PTPRD: variants seen among roughly 807,000 people sequenced by gnomAD.
The protein encoded by PTPRD is protein tyrosine phosphatase receptor type D.
In PTPRD, 34 loss-of-function variants were observed where a neutral mutation model predicts 214.5. That is an observed-to-expected ratio of 0.16 (90% CI 0.12 to 0.21). The LOEUF (loss-of-function observed/expected upper bound fraction) is 0.21, where lower values mean the gene tolerates loss of function less well. PTPRD is among the 10% of genes least tolerant of loss of function. PTPRD has a pLI of 1.00. For synonymous variants in PTPRD, 1,128 were observed against 845.7 expected (o/e 1.33, Z -5.79); for missense variants, 2,545 against 2,398.7 (o/e 1.06, Z -1.27).
At position 8,341,096 on chromosome 9, in the gene PTPRD, C is replaced by T; in HGVS notation, c.5120G>A (p.Gly1707Glu). The T allele has an allele frequency of 6.2e-7, 1 of 1,608,106 alleles. No homozygotes were observed. Among genetic ancestry groups the T allele is most frequent in the Non-Finnish European group, 8.5e-7 (1 of 1,177,264 alleles). The change falls in exon 41 of 46, where the codon GGA (glycine) becomes GAA (glutamate). Residue 1707 changes from glycine to glutamate, a missense_variant. By Grantham distance (98) the Gly-to-Glu change is moderately conservative. Coordinates refer to ENST00000381196, the MANE Select transcript of PTPRD (RefSeq NM_002839.4). ...GGGGAGCAAAAGTAGATACCTGTAT[C>T]CATCAATAAAACTGGCATTGATGTA... is the stretch of plus-strand genomic sequence containing the variant. The part of the protein sequence containing the change: ...SDYINASFID[G>E]YRQQKAYIAT...
chr9:8,846,703 A>G (rs1440560428), intron 11 of PTPRD, among the ~76,000 whole-genome samples: 2 of 152,204 alleles, frequency 1.3e-5, no homozygotes, highest in African/African-American at 2.4e-5. Flanking sequence ...CAAATACTTT[A>G]GTATGGCTCA....
rs79639372 is a variant in PTPRD at position 10,082,463 on chromosome 9, T to C, written c.-544-48673A>G. On this transcript the variant is annotated intron_variant, in intron 3 of 45. Coordinates refer to ENST00000381196, the MANE Select transcript of PTPRD (RefSeq NM_002839.4). ...GGATGTGGATGTACTGATTTATGTA[T>C]ATGGCTACAGGATTTGACAGCAAAC... is the stretch of plus-strand genomic sequence containing the variant. Among the ~76,000 whole-genome samples the C allele has an allele frequency of 4.0e-3, 606 of 152,146 alleles. 6 individuals are homozygous for C. Among genetic ancestry groups the C allele is most frequent in the African/African-American group, 0.013 (559 of 41,542 alleles).
chr9:9,180,942 A>T (rs1291856896), intron 10 of PTPRD, among the ~76,000 whole-genome samples: 4 of 152,142 alleles, frequency 2.6e-5, no homozygotes, highest in African/African-American at 9.6e-5. Context: ...GGCAAAAATC[A>T]TAAAAAAGAC....
chr9:9,477,245 C>G (rs1303162196), intron 8 of PTPRD, among the ~76,000 whole-genome samples: 1 of 152,180 alleles, frequency 6.6e-6, no homozygotes, highest in Non-Finnish European at 1.5e-5. Flanking sequence ...GTAGTCATCT[C>G]ACTACCTTCA....
At chr9:9,562,787 C>T (rs754403824) in intron 8 of PTPRD, among the ~76,000 whole-genome samples, 1 of 151,956 alleles carries the variant, frequency 6.6e-6, no homozygotes, top group Admixed American at 6.5e-5. Flanking sequence ...CTCCTTATCC[C>T]CAAATCTCCT....
At chr9:8,641,932 T>C (rs908882011) in intron 12 of PTPRD, among the ~76,000 whole-genome samples, 2 of 152,208 alleles carry the variant, frequency 1.3e-5, no homozygotes, top group African/African-American at 4.8e-5. Context: ...CTATTAAATG[T>C]AGGTGAGAGA....
At chr9:9,491,900 A>G (rs2095917527) in intron 8 of PTPRD, among the ~76,000 whole-genome samples, 1 of 152,018 alleles carries the variant, frequency 6.6e-6, no homozygotes, top group Non-Finnish European at 1.5e-5. Context: ...TAAAGAGCAG[A>G]GATCAATGAA....
intron 39 of PTPRD, among the ~76,000 whole-genome samples, chr9:8,373,620 T>G (rs1210198563): frequency 1.1e-4 from 1 of 8,944 alleles, no homozygotes; most frequent in Non-Finnish European, 1.1e-3. Context: ...CGGGTGTGTG[T>G]GTGTGTGTGT....
At chr9:8,376,149 A>T in intron 38 of PTPRD, 59 bp from the exon 39 acceptor site, 1 of 1,586,224 alleles carries the variant, frequency 6.3e-7, no homozygotes, top group Non-Finnish European at 8.6e-7. Flanking sequence ...GGTAATGATG[A>T]ATAACAGGGA....
intron 9 of PTPRD, among the ~76,000 whole-genome samples, chr9:9,217,105 C>T (rs1424035314): frequency 6.6e-6 from 1 of 151,992 alleles, no homozygotes; most frequent in Non-Finnish European, 1.5e-5. Context: ...GAACTAAGGG[C>T]CCCTTTAGCC....
intron 6 of PTPRD, among the ~76,000 whole-genome samples, chr9:9,746,460 T>C (rs904408685): frequency 2.0e-5 from 3 of 152,222 alleles, no homozygotes; most frequent in African/African-American, 7.2e-5. Context: ...ACCTCTTCAG[T>C]ACTTAGATAA....
chr9:8,541,858 A>G (rs1413991469), intron 14 of PTPRD, among the ~76,000 whole-genome samples: 1 of 152,202 alleles, frequency 6.6e-6, no homozygotes, highest in Non-Finnish European at 1.5e-5. Context: ...CAGGATAGAA[A>G]TTTATTCACT....
chr9:9,968,998 G>C (rs1192092028), intron 4 of PTPRD, among the ~76,000 whole-genome samples: 2 of 152,248 alleles, frequency 1.3e-5, no homozygotes, highest in East Asian at 1.9e-4. Context: ...CATAGATACT[G>C]CAGTTAGTTT....
At position 9,189,160 on chromosome 9, in the gene PTPRD, G is replaced by A. The variant is rs180984981; in HGVS notation, c.-202-5797C>T. Reference sequence around the variant, plus strand: ...CACTGAGCTGTTTTAGTAAGTGATTGCTTTATAAGGTAATTATTTTATGAT... The same window carrying A: ...CACTGAGCTGTTTTAGTAAGTGATTACTTTATAAGGTAATTATTTTATGAT... On this transcript the variant is annotated intron_variant, in intron 9 of 45. Coordinates refer to ENST00000381196, the MANE Select transcript of PTPRD (RefSeq NM_002839.4). Among the ~76,000 whole-genome samples, 278 of 152,104 alleles carry A rather than the reference G, an allele frequency of 1.8e-3. 2 individuals carry two copies. Among genetic ancestry groups the A allele is most frequent in the Non-Finnish European group, 2.6e-3 (178 of 67,964 alleles).
chr9:9,146,692 C>T (rs1014586221), intron 10 of PTPRD, among the ~76,000 whole-genome samples: 12 of 152,038 alleles, frequency 7.9e-5, no homozygotes, highest in African/African-American at 2.9e-4. Context: ...GAGAGGCCAG[C>T]CTTAGAGACT....
At chr9:9,169,984 A>G (rs1210530809) in intron 10 of PTPRD, among the ~76,000 whole-genome samples, 1 of 152,176 alleles carries the variant, frequency 6.6e-6, no homozygotes, top group Non-Finnish European at 1.5e-5. Flanking sequence ...GATATTTGTC[A>G]TTTTGCAAGC....
intron 6 of PTPRD, among the ~76,000 whole-genome samples, chr9:9,748,623 A>G (rs75359661): frequency 2.0e-5 from 3 of 152,334 alleles, no homozygotes; most frequent in Admixed American, 1.3e-4. Context: ...ACCAATTTCA[A>G]TGACTGATAG....
Position 9,061,307 on chromosome 9 carries a change from T to C in PTPRD, c.-142-42572A>G, listed in dbSNP as rs113400158. Among the ~76,000 whole-genome samples the C allele has an allele frequency of 4.1e-3, 618 of 152,346 alleles. 10 individuals are homozygous for C. The highest frequency in any genetic ancestry group is 0.014 in the African/African-American group (590 of 41,580). ...GTTGACAGTGTATTTCTTGCATTCA[T>C]AATACAATACATTTGTAACGCAATT... On this transcript the variant is annotated intron_variant, in intron 10 of 45. Transcript: ENST00000381196.
At chr9:10,055,557 T>A (rs1187590580) in intron 3 of PTPRD, among the ~76,000 whole-genome samples, 1 of 152,080 alleles carries the variant, frequency 6.6e-6, no homozygotes, top group East Asian at 1.9e-4. Flanking sequence ...GGAATCTGAC[T>A]TTAGGGTCCT....
Sources: allele counts gnomAD v4.1 joint callset (sites outside exome capture counted in the v4.1 genomes callset), GRCh38; gene constraint gnomAD v4.1.1; transcripts MANE v1.5; gene names NCBI Gene and HGNC (gene_info 2026-07-23, HGNC 2026-07-21).